Variants in ZDHHC14 observed in about 807,000 individuals in gnomAD.
ZDHHC14 encodes zDHHC palmitoyltransferase 14.
ZDHHC14 carries 16 observed loss-of-function variants against 47.7 expected under a neutral mutation model. The observed-to-expected ratio is 0.34, with a 90% CI of 0.23 to 0.51. The LOEUF (loss-of-function observed/expected upper bound fraction) is 0.51. Among genes scored for constraint, ZDHHC14 ranks in the 20% least tolerant of loss-of-function variants. The pLI is 0.97. For missense variants in ZDHHC14, 515 were observed against 662.5 expected, an observed-to-expected ratio of 0.78 and a Z score of 2.44; for synonymous variants, 293 against 278.9, an observed-to-expected ratio of 1.05 and a Z score of -0.50.
At chr6:157,401,994 C>T (rs112042717) in intron 1 of ZDHHC14, among the ~76,000 whole-genome samples, 4 of 133,002 alleles carry the variant, frequency 3.0e-5, no homozygotes, top group Admixed American at 2.4e-4. Flanking sequence ...ACTGCAGTGG[C>T]GAGATGTGCA....
At chr6:157,612,422 AGTCCTGCAT>A (rs1474727743) in intron 3 of ZDHHC14, among the ~76,000 whole-genome samples, 3 of 152,194 alleles carry the variant, frequency 2.0e-5, no homozygotes, top group African/African-American at 7.2e-5. Context: ...CTTGCACCGT[AGTCCTGCAT>A]GCCACCTGGG....
chr6:157,526,388 A>C lies in ZDHHC14; in HGVS notation c.246-16197A>C, dbSNP rs556035872. Among the ~76,000 whole-genome samples the C allele has an allele frequency of 1.6e-3, 238 of 152,088 alleles. 3 individuals carry two copies. Among genetic ancestry groups the C allele is most frequent in the African/African-American group, 5.5e-3 (229 of 41,492 alleles). On this transcript the variant is annotated intron_variant, in intron 1 of 8. Transcript: ENST00000359775. ...CACTCCCAGTGCCTGAGGCCTTCCCACAACACCACGACCCTCTTCTGGTGG... is the reference window on the plus strand; with the variant it reads ...CACTCCCAGTGCCTGAGGCCTTCCCCCAACACCACGACCCTCTTCTGGTGG...
chr6:157,665,241 A>G (rs1264652861), intron 8 of ZDHHC14, among the ~76,000 whole-genome samples: 2 of 152,190 alleles, frequency 1.3e-5, no homozygotes, highest in Non-Finnish European at 2.9e-5. Flanking sequence ...CTGGGAGTAG[A>G]AGAGAAGCTT....
chr6:157,455,693 G>A (rs1046075949), intron 1 of ZDHHC14, among the ~76,000 whole-genome samples: 3 of 152,158 alleles, frequency 2.0e-5, no homozygotes, highest in Non-Finnish European at 4.4e-5. Flanking sequence ...GGGCCATTTC[G>A]GGGACATTGT....
intron 5 of ZDHHC14, among the ~76,000 whole-genome samples, chr6:157,644,790 G>A (rs1281172021): frequency 6.6e-6 from 1 of 152,198 alleles, no homozygotes; most frequent in East Asian, 1.9e-4. Flanking sequence ...AGATGTATGT[G>A]TAAACTCCCA....
intron 1 of ZDHHC14, among the ~76,000 whole-genome samples, chr6:157,399,890 G>T (rs1194599607): frequency 6.6e-6 from 1 of 152,222 alleles, no homozygotes; most frequent in African/African-American, 2.4e-5. Flanking sequence ...GGGACAGGGA[G>T]GATGACATTT....
At chr6:157,403,325 G>C (rs1160288460) in intron 1 of ZDHHC14, among the ~76,000 whole-genome samples, 1 of 152,192 alleles carries the variant, frequency 6.6e-6, no homozygotes, top group Non-Finnish European at 1.5e-5. Flanking sequence ...GGTTATGAAT[G>C]AAAGCATATA....
At chr6:157,590,921 T>C (rs1466215662) in intron 2 of ZDHHC14, among the ~76,000 whole-genome samples, 1 of 152,250 alleles carries the variant, frequency 6.6e-6, no homozygotes, top group Non-Finnish European at 1.5e-5. Context: ...TGCATCAGCA[T>C]GACCTGCATG....
intron 2 of ZDHHC14, among the ~76,000 whole-genome samples, chr6:157,587,177 C>A (rs1371899056): frequency 1.3e-5 from 2 of 152,194 alleles, no homozygotes; most frequent in Admixed American, 1.3e-4. Context: ...AGTTTTTCTA[C>A]CCATGTTTGC....
chr6:157,402,175 G>A (rs1009033177), intron 1 of ZDHHC14, among the ~76,000 whole-genome samples: 3 of 151,154 alleles, frequency 2.0e-5, no homozygotes, highest in African/African-American at 7.3e-5. Flanking sequence ...ATGTGGACCT[G>A]CTGAGGTCAT....
At chr6:157,604,198 G>A (rs1275527630) in intron 3 of ZDHHC14, among the ~76,000 whole-genome samples, 1 of 151,746 alleles carries the variant, frequency 6.6e-6, no homozygotes, top group Non-Finnish European at 1.5e-5. Flanking sequence ...GAGGCAGGTG[G>A]ATCACCTGAA....
chr6:157,629,822 A>C (rs1294439699), intron 4 of ZDHHC14: 1 of 152,164 alleles, frequency 6.6e-6, no homozygotes, highest in Non-Finnish European at 1.5e-5. Flanking sequence ...CAAAATGGCA[A>C]AAATGTGGCT....
chr6:157,423,105 G>C (rs1238109902), intron 1 of ZDHHC14, among the ~76,000 whole-genome samples: 1 of 152,220 alleles, frequency 6.6e-6, no homozygotes, highest in Non-Finnish European at 1.5e-5. Flanking sequence ...GCTGGCACTT[G>C]AATGGGTAAA....
intron 1 of ZDHHC14, among the ~76,000 whole-genome samples, chr6:157,383,098 G>T (rs1252149912): frequency 6.6e-6 from 1 of 152,142 alleles, no homozygotes; most frequent in East Asian, 1.9e-4. Flanking sequence ...AATCAAATTG[G>T]CCAGTAGCAA....
intron 1 of ZDHHC14, among the ~76,000 whole-genome samples, chr6:157,447,156 T>C (rs1163069113): frequency 2.6e-5 from 4 of 152,178 alleles, no homozygotes; most frequent in African/African-American, 7.2e-5. Context: ...TATGCACATT[T>C]GTAAATAGAC....
chr6:157,526,611 C>T (rs577752054), intron 1 of ZDHHC14, among the ~76,000 whole-genome samples: 4 of 152,348 alleles, frequency 2.6e-5, no homozygotes, highest in African/African-American at 9.6e-5. Flanking sequence ...TTTTCTCTTT[C>T]ACACACGAGT....
chr6:157,647,402 A>G, intron 7 of ZDHHC14, 34 bp downstream of exon 7: 1 of 1,547,240 alleles, frequency 6.5e-7, no homozygotes, highest in East Asian at 2.3e-5. Context: ...TCTTCAACAG[A>G]CCTTGGAAAA....
At chr6:157,604,343 T>C (rs1458077647) in intron 3 of ZDHHC14, among the ~76,000 whole-genome samples, 4 of 151,452 alleles carry the variant, frequency 2.6e-5, no homozygotes, top group Admixed American at 6.6e-5. Context: ...CTGGAGGCTA[T>C]GCATAGGCTA....
At chr6:157,507,729 C>G (rs1309992120) in intron 1 of ZDHHC14, among the ~76,000 whole-genome samples, 1 of 152,288 alleles carries the variant, frequency 6.6e-6, no homozygotes, top group African/African-American at 2.4e-5. Context: ...ACTGCTGTCG[C>G]TCCAGAGTCT....
Sources: allele counts gnomAD v4.1 joint callset (sites outside exome capture counted in the v4.1 genomes callset), GRCh38; gene constraint gnomAD v4.1.1; transcripts MANE v1.5; gene names NCBI Gene and HGNC (gene_info 2026-07-23, HGNC 2026-07-21).